The following PAPSS1 variants were observed in gnomAD, a reference collection of about 807,000 sequenced individuals.
PAPSS1 encodes the protein 3'-phosphoadenosine 5'-phosphosulfate synthase 1, also known as bifunctional 3'-phosphoadenosine 5'-phosphosulfate synthase 1.
Under a neutral mutation model 72.0 loss-of-function variants are expected in PAPSS1, and 50 were observed. That is an observed-to-expected ratio of 0.69 (90% CI 0.55 to 0.88). The LOEUF is 0.88. Among genes scored for constraint, PAPSS1 ranks in the 40% least tolerant of loss-of-function variants. The pLI is 0.00. For synonymous variants in PAPSS1, 261 were observed against 263.6 expected, an observed-to-expected ratio of 0.99 and a Z score of 0.09; for missense variants, 657 against 782.2, an observed-to-expected ratio of 0.84 and a Z score of 1.91.
At chr4:107,694,044 G>T in intron 2 of PAPSS1, 38 bp from the exon 3 acceptor site, 1 of 1,405,528 alleles carries the variant, frequency 7.1e-7, no homozygotes. Flanking sequence ...CATGTGTAAA[G>T]TTAGAAGGAT....
intron 5 of PAPSS1, among the ~76,000 whole-genome samples, chr4:107,664,387 C>A (rs1014147466): frequency 6.6e-6 from 1 of 152,102 alleles, no homozygotes; most frequent in Non-Finnish European, 1.5e-5. Flanking sequence ...TTACTGGCTA[C>A]AACAAGGCAT....
At chr4:107,709,813 T>C (rs1723438200) in intron 1 of PAPSS1, among the ~76,000 whole-genome samples, 1 of 152,178 alleles carries the variant, frequency 6.6e-6, no homozygotes, top group African/African-American at 2.4e-5. Flanking sequence ...AAACTATCCT[T>C]AAAAAACTCT....
chr4:107,683,479 G>A (rs998690123), intron 4 of PAPSS1, among the ~76,000 whole-genome samples: 1 of 152,104 alleles, frequency 6.6e-6, no homozygotes, highest in African/African-American at 2.4e-5. Flanking sequence ...ACTAGTCTGG[G>A]GTACAGCCTT....
chr4:107,634,999 CGT>C (rs1272519531), intron 10 of PAPSS1, among the ~76,000 whole-genome samples: 3 of 151,864 alleles, frequency 2.0e-5, no homozygotes. Context: ...GGGGTTTTAC[CGT>C]GTTAGCCAGG....
Position 107,644,901 on chromosome 4 carries a change from C to T in PAPSS1, c.1407G>A (p.Met469Ile). Residue 469 changes from methionine to isoleucine, a missense_variant, in exon 10 of 12, where the codon ATG becomes ATA. Physicochemically the swap from Met to Ile is conservative, Grantham distance 10 (BLOSUM62 1). This residue lies in a region of PAPSS1 where 166 missense variants were observed against 228.3 expected (regional missense o/e 0.73). Transcript: ENST00000265174. ...CCTCCAACACTGCAGCATGCTGCTT[C>T]ATACGCCACATCAAAGGAACATCGT... Reference protein sequence around the residue: ...KDDDVPLMWRMKQHAAVLEEG... With the variant: ...KDDDVPLMWRIKQHAAVLEEG... The T allele has an allele frequency of 6.2e-7, 1 of 1,614,052 alleles. No homozygotes were observed. The highest frequency in any genetic ancestry group is 8.5e-7 in the Non-Finnish European group (1 of 1,179,926).
intron 5 of PAPSS1, among the ~76,000 whole-genome samples, chr4:107,671,260 GT>G (rs892537497): frequency 1.1e-3 from 162 of 142,934 alleles, no homozygotes; most frequent in African/African-American, 3.1e-3. Context: ...TCAAAATCAA[GT>G]TTTTTTTTTT....
intron 10 of PAPSS1, 119 bp from the exon 11 acceptor site, chr4:107,631,979 A>C: frequency 1.4e-6 from 1 of 697,010 alleles, no homozygotes; most frequent in East Asian, 2.8e-5. Flanking sequence ...AAATCTCAAC[A>C]AATTTAGATG....
chr4:107,687,556 CAAAA>C (rs957253799), intron 3 of PAPSS1, among the ~76,000 whole-genome samples: 21 of 152,046 alleles, frequency 1.4e-4, no homozygotes, highest in African/African-American at 5.1e-4. Flanking sequence ...AGCAATTTCA[CAAAA>C]AAGATCCATT....
chr4:107,680,758 C>G (rs564170321), intron 5 of PAPSS1, among the ~76,000 whole-genome samples: 5 of 152,118 alleles, frequency 3.3e-5, no homozygotes, highest in African/African-American at 9.6e-5. Context: ...AAGGAGGAAG[C>G]TACAAGTAGA....
At chr4:107,626,312 C>T (rs746873200) in intron 11 of PAPSS1, among the ~76,000 whole-genome samples, 1 of 152,168 alleles carries the variant, frequency 6.6e-6, no homozygotes, top group African/African-American at 2.4e-5. Context: ...AAGGCACTCT[C>T]ACTCGTGTGT....
intron 5 of PAPSS1, among the ~76,000 whole-genome samples, chr4:107,676,565 C>T (rs1288221398): frequency 2.0e-5 from 3 of 152,194 alleles, no homozygotes; most frequent in Non-Finnish European, 4.4e-5. Context: ...ACATTCCATG[C>T]TCATGGGTAG....
chr4:107,677,980 G>A (rs1238467898), intron 5 of PAPSS1, among the ~76,000 whole-genome samples: 1 of 152,112 alleles, frequency 6.6e-6, no homozygotes, highest in Non-Finnish European at 1.5e-5. Flanking sequence ...GGTGGGAATT[G>A]AACAATGAGA....
In PAPSS1 at chr4:107,645,012, C is replaced by A; in HGVS notation, c.1296G>T (p.Met432Ile). The change falls in exon 10 of 12, where the codon ATG (methionine) becomes ATT (isoleucine). Residue 432 changes from methionine to isoleucine, a missense_variant. Coordinates refer to ENST00000265174, the MANE Select transcript of PAPSS1 (RefSeq NM_005443.5). ...NPVHNGHALL[M>I]QDTHKQLLER... ...CTAGAAGTTGCTTATGGGTATCCTG[C>A]ATTAACAGGGCATGTCCATTGTGCA... 1 of 1,608,944 alleles carries A rather than the reference C, an allele frequency of 6.2e-7. No individual in the cohort carries two copies. Among genetic ancestry groups the A allele is most frequent in the Non-Finnish European group, 8.5e-7 (1 of 1,177,274 alleles).
chr4:107,695,255 T>C (rs1452884849), intron 2 of PAPSS1, among the ~76,000 whole-genome samples: 3 of 152,188 alleles, frequency 2.0e-5, no homozygotes, highest in African/African-American at 4.8e-5. Flanking sequence ...TTTGTAGCAA[T>C]TGTGAATGGG....
chr4:107,649,913 G>A (rs1348130891), intron 9 of PAPSS1, among the ~76,000 whole-genome samples: 1 of 152,164 alleles, frequency 6.6e-6, no homozygotes, highest in East Asian at 1.9e-4. Flanking sequence ...CCAGGATACT[G>A]GTCAATCATC....
intron 10 of PAPSS1, among the ~76,000 whole-genome samples, chr4:107,637,392 C>T (rs886505130): frequency 3.3e-5 from 5 of 152,000 alleles, no homozygotes; most frequent in African/African-American, 1.2e-4. Context: ...AATTAAAAAC[C>T]TACTTTTCAA....
chr4:107,702,099 C>T (rs1368717527), intron 1 of PAPSS1, among the ~76,000 whole-genome samples: 3 of 152,044 alleles, frequency 2.0e-5, no homozygotes, highest in Non-Finnish European at 4.4e-5. Flanking sequence ...ACATCATTAG[C>T]CACCAGGAAA....
chr4:107,667,716 T>C (rs1196980406), intron 5 of PAPSS1, among the ~76,000 whole-genome samples: 1 of 152,232 alleles, frequency 6.6e-6, no homozygotes, highest in African/African-American at 2.4e-5. Context: ...TCATTATATA[T>C]AGTATAACCT....
intron 5 of PAPSS1, among the ~76,000 whole-genome samples, chr4:107,678,578 A>G (rs1578416656): frequency 6.6e-6 from 1 of 152,090 alleles, no homozygotes; most frequent in Non-Finnish European, 1.5e-5. Flanking sequence ...TAGTTGCAAT[A>G]AAGGCAGGTA....
Sources: allele counts gnomAD v4.1 joint callset (sites outside exome capture counted in the v4.1 genomes callset), GRCh38; gene constraint gnomAD v4.1.1; regional missense constraint gnomAD v4.1.1; transcripts MANE v1.5; gene names NCBI Gene and HGNC (gene_info 2026-07-23, HGNC 2026-07-21).